Variants in TMEM164 observed in about 807,000 individuals in gnomAD.
TMEM164 encodes RP13-360B22.2.
TMEM164 carries 4 observed loss-of-function variants against 18.8 expected under a neutral mutation model. The observed-to-expected ratio is 0.21, with a 90% CI of 0.10 to 0.49. TMEM164 has a LOEUF of 0.49. Among genes scored for constraint, TMEM164 ranks in the 20% least tolerant of loss-of-function variants. The probability of loss-of-function intolerance (pLI) is 0.98; values close to 1 mark genes in which losing one functional copy is unlikely to be tolerated. For synonymous variants in TMEM164, 86 were observed against 101.7 expected (o/e 0.85, Z 0.93); for missense variants, 108 against 239.9 (o/e 0.45, Z 3.63).
At chrX:110,143,153 G>C (rs778208713) in intron 4 of TMEM164, among the ~76,000 whole-genome samples, 6 of 112,299 alleles carry the variant, frequency 5.3e-5, no homozygotes, top group African/African-American at 6.5e-5. Context: ...CTATTTTCCA[G>C]GTGACCTCAG....
intron 5 of TMEM164, among the ~76,000 whole-genome samples, chrX:110,152,627 C>T (rs926363054): frequency 9.0e-6 from 1 of 111,413 alleles, no homozygotes; most frequent in Non-Finnish European, 1.9e-5. Context: ...CAACATGATC[C>T]AATCTGCTTG....
rs114034812 is a variant in TMEM164, at chrX:110,050,960, G to A, written c.391-16387G>A. Among the ~76,000 whole-genome samples the A allele has an allele frequency of 2.5e-3, 282 of 112,341 alleles. 1 individual carries two copies. Among genetic ancestry groups the A allele is most frequent in the African/African-American group, 8.7e-3 (268 of 30,968 alleles). On this transcript the variant is annotated intron_variant, in intron 2 of 6. Transcript: ENST00000372068. The stretch of plus-strand genomic sequence containing the variant: ...ATTTGGGAACTTTCTCAGACAGGAT[G>A]TCTTTGTTATCTAATTTCTTTCCAT...
At chrX:110,105,679 G>GACACACACACACACAC (rs758900532) in intron 3 of TMEM164, among the ~76,000 whole-genome samples, 1 of 65,429 alleles carries the variant, frequency 1.5e-5, no homozygotes, top group African/African-American at 5.6e-5. Flanking sequence ...TAGAAACACA[G>GACACACACACACACAC]ACACACACAC....
chrX:110,025,436 A>G (rs1194696059), intron 2 of TMEM164, among the ~76,000 whole-genome samples: 2 of 111,690 alleles, frequency 1.8e-5, no homozygotes, highest in African/African-American at 3.3e-5. Context: ...ATCAAAACCC[A>G]AGCTGCACAC....
chrX:110,090,865 C>A (rs1048286212), intron 3 of TMEM164, among the ~76,000 whole-genome samples: 5 of 108,321 alleles, frequency 4.6e-5, no homozygotes, highest in Middle Eastern at 4.2e-3. Context: ...CCCAGCCCCC[C>A]ACCCCATGAC....
At chrX:110,023,854 A>G (rs1445482411) in intron 2 of TMEM164, among the ~76,000 whole-genome samples, 4 of 111,789 alleles carry the variant, frequency 3.6e-5, no homozygotes, top group African/African-American at 1.3e-4. Flanking sequence ...CCATTTGCCA[A>G]TTTTCTGCAA....
At chrX:110,072,296 C>CAAAAAAAA in intron 3 of TMEM164, among the ~76,000 whole-genome samples, 1 of 46,319 alleles carries the variant, frequency 2.2e-5, no homozygotes, top group Non-Finnish European at 3.8e-5. Flanking sequence ...GACTCCATCT[C>CAAAAAAAA]AAAAAAAAAA....
chrX:110,115,187 A>T (rs770122213), intron 4 of TMEM164, among the ~76,000 whole-genome samples: 1 of 112,111 alleles, frequency 8.9e-6, no homozygotes, highest in African/African-American at 3.2e-5. Flanking sequence ...TAGGCTTGAA[A>T]ATCTCACTCT....
intron 2 of TMEM164, among the ~76,000 whole-genome samples, chrX:110,021,326 G>A (rs916619060): frequency 4.5e-5 from 5 of 111,418 alleles, no homozygotes; most frequent in African/African-American, 1.6e-4. Flanking sequence ...TGCCACAGGT[G>A]CCTTGCTGTC....
chrX:110,080,888 A>ATTTT (rs367869176), intron 3 of TMEM164, among the ~76,000 whole-genome samples: 6 of 74,570 alleles, frequency 8.0e-5, no homozygotes, highest in South Asian at 5.9e-4. Flanking sequence ...CTAGCTAATA[A>ATTTT]TTTTTTTTTT....
In TMEM164 at chrX:110,019,861, CT is replaced by C. The variant is rs35633873; in HGVS notation, c.390+15705del. Among the ~76,000 whole-genome samples, 665 of 111,725 alleles carry C rather than the reference CT, an allele frequency of 6.0e-3. 3 individuals are homozygous for C. Among genetic ancestry groups the C allele is most frequent in the African/African-American group, 0.021 (632 of 30,788 alleles). ...TATCTTCTGTGATTTTGGTCCCAAC[CT>C]TTTTTTTCAGCCTTGTTATTTAGTA... On this transcript the variant is annotated intron_variant, in intron 2 of 6. Coordinates refer to ENST00000372068, the MANE Select transcript of TMEM164 (RefSeq NM_032227.4).
chrX:110,071,940 A>G (rs1415794651), intron 3 of TMEM164, among the ~76,000 whole-genome samples: 6 of 109,812 alleles, frequency 5.5e-5, no homozygotes, highest in Non-Finnish European at 1.1e-4. Flanking sequence ...TATGGTGGCT[A>G]TGTAAAATAT....
chrX:110,183,224 T>C (rs2067329908), downstream of TMEM164, among the ~76,000 whole-genome samples: 2 of 112,476 alleles, frequency 1.8e-5, no homozygotes, highest in Non-Finnish European at 3.8e-5. Flanking sequence ...AGAACTCATG[T>C]ATGCTTGTAA....
At chrX:110,147,366 A>G (rs759864606) in intron 5 of TMEM164, among the ~76,000 whole-genome samples, 33 of 112,191 alleles carry the variant, frequency 2.9e-4, no homozygotes, top group African/African-American at 1.1e-3. Flanking sequence ...CGCTATATGT[A>G]TACAATGCAG....
intron 5 of TMEM164, among the ~76,000 whole-genome samples, chrX:110,168,303 C>T (rs1218363101): frequency 8.8e-6 from 1 of 113,283 alleles, no homozygotes; most frequent in Non-Finnish European, 1.9e-5. Flanking sequence ...TTTCACGCAC[C>T]AAGCACTGTG....
chrX:110,128,223 G>T (rs1027334883), intron 4 of TMEM164, among the ~76,000 whole-genome samples: 2 of 111,795 alleles, frequency 1.8e-5, no homozygotes, highest in Middle Eastern at 4.2e-3. Context: ...TAATGAAGGG[G>T]TTTGGGTAGG....
chrX:110,107,815 A>G (rs1183963073), intron 3 of TMEM164, among the ~76,000 whole-genome samples: 1 of 109,296 alleles, frequency 9.1e-6, no homozygotes, highest in Non-Finnish European at 1.9e-5. Flanking sequence ...GCCTGCCACC[A>G]TGCCTGGCTA....
rs779518721 is a variant in TMEM164, at chrX:110,003,813, C to G, written c.39C>G (p.Leu13=). ...RYSYQSLLDW[L]YGGVDPSFAG... ...GCTACCAGAGTCTCCTGGACTGGCTCTATGGGGGCGTGGACCCCAGTTTTG... is the reference window on the plus strand; with the variant it reads ...GCTACCAGAGTCTCCTGGACTGGCTGTATGGGGGCGTGGACCCCAGTTTTG... Residue 13 remains leucine (L), a synonymous_variant, in exon 2 of 7, where the codon CTC becomes CTG. Transcript: ENST00000372068. 6 of 1,210,185 alleles carry G rather than the reference C, an allele frequency of 5.0e-6. No individual in the cohort carries two copies. In the East Asian group the frequency reaches 1.5e-4, roughly 30 times the overall value.
At chrX:110,016,691 C>G (rs1933392696) in intron 2 of TMEM164, among the ~76,000 whole-genome samples, 1 of 109,140 alleles carries the variant, frequency 9.2e-6, no homozygotes, top group Non-Finnish European at 1.9e-5. Flanking sequence ...ACGTCTTGCT[C>G]TGTTGCTCAG....
Sources: gnomAD v4.1 joint callset for allele counts (sites outside exome capture counted in the v4.1 genomes callset) on GRCh38, gnomAD v4.1.1 for gene constraint, MANE v1.5 for transcripts, NCBI Gene and HGNC (gene_info 2026-07-23, HGNC 2026-07-21) for gene names.